The following FAM171B variants were observed in gnomAD, a reference collection of about 807,000 sequenced individuals.
FAM171B encodes family with sequence similarity 171 member B.
Under a neutral mutation model 75.6 loss-of-function variants are expected in FAM171B, and 19 were observed. The ratio of observed to expected loss-of-function variants is 0.25; its 90% confidence interval spans 0.18 to 0.37. FAM171B has a LOEUF of 0.37. Among genes scored for constraint, FAM171B ranks in the 10% least tolerant of loss-of-function variants. The pLI, the probability that FAM171B is intolerant of heterozygous loss-of-function variation, is 1.00. For synonymous variants in FAM171B, 367 were observed against 361.7 expected (o/e 1.01, Z -0.17); for missense variants, 848 against 982.4 (o/e 0.86, Z 1.83).
intron 1 of FAM171B, among the ~76,000 whole-genome samples, chr2:186,706,560 G>C (rs993722371): frequency 6.6e-6 from 1 of 152,154 alleles, no homozygotes; most frequent in African/African-American, 2.4e-5. Context: ...GCACATTCTG[G>C]TGTTCCAAAG....
At chr2:186,758,969 C>A (rs1049550743) in intron 6 of FAM171B, among the ~76,000 whole-genome samples, 1 of 151,916 alleles carries the variant, frequency 6.6e-6, no homozygotes, top group East Asian at 1.9e-4. Context: ...CCCTTCCCAG[C>A]CTCTGGTAAA....
Position 186,694,076 on chromosome 2 carries a change from G to C in FAM171B, c.-98G>C. 1.5e-6 allele frequency: 2 copies of C among 1,369,316 alleles called. No homozygotes were observed. Among genetic ancestry groups the C allele is most frequent in the Non-Finnish European group, 1.9e-6 (2 of 1,064,768 alleles). The allele number at this position is 1,369,316 out of a possible 1,614,324, so 84.8% of individuals were successfully genotyped here. On this transcript the variant is annotated 5_prime_UTR_variant, in exon 1 of 8. Transcript: ENST00000304698. ...GAGTGCTTGGCAGATTGCGCGAGGG[G>C]GAGCGAGCGAGCGGGCGCTGCCAGG...
intron 2 of FAM171B, among the ~76,000 whole-genome samples, chr2:186,741,963 C>T (rs1261244674): frequency 6.6e-6 from 1 of 151,900 alleles, no homozygotes; most frequent in African/African-American, 2.4e-5. Context: ...ATCTTGATAC[C>T]TTAATAAATG....
At chr2:186,719,725 T>G (rs1465003664) in intron 1 of FAM171B, among the ~76,000 whole-genome samples, 1 of 152,252 alleles carries the variant, frequency 6.6e-6, no homozygotes, top group African/African-American at 2.4e-5. Context: ...CTGTTTACAT[T>G]ATAAATTGGC....
chr2:186,747,254 T>C lies in FAM171B; in HGVS notation c.724+4T>C. On this transcript the variant is annotated splice_donor_region_variant and intron_variant, in intron 4 of 7. Transcript: ENST00000304698. The stretch of plus-strand genomic sequence containing the variant: ...GGAATTACTCTCAATAAACCAGGTA[T>C]TATCTACTTTTTGTATAATATAGTT... 1 of 1,562,814 alleles carries C rather than the reference T, an allele frequency of 6.4e-7. No homozygotes were observed. The highest frequency in any genetic ancestry group is 8.6e-7 in the Non-Finnish European group (1 of 1,159,270).
intron 1 of FAM171B, among the ~76,000 whole-genome samples, chr2:186,727,555 A>G (rs1488902865): frequency 4.6e-5 from 7 of 152,164 alleles, no homozygotes; most frequent in Non-Finnish European, 1.0e-4. Flanking sequence ...TAATGTATAA[A>G]TGAATTAGCA....
At chr2:186,733,407 TC>T (rs552809376) in intron 1 of FAM171B, among the ~76,000 whole-genome samples, 1 of 152,178 alleles carries the variant, frequency 6.6e-6, no homozygotes, top group Admixed American at 6.5e-5. Flanking sequence ...CAAATCAGTC[TC>T]CCCCAAGAAT....
intron 1 of FAM171B, among the ~76,000 whole-genome samples, chr2:186,739,548 A>G (rs1690256500): frequency 6.6e-6 from 1 of 152,144 alleles, no homozygotes; most frequent in South Asian, 2.1e-4. Flanking sequence ...ACATTAGCCC[A>G]GGCCTACACA....
In FAM171B at chr2:186,762,009, C is replaced by T. The variant is rs1480723671; in HGVS notation, c.1667C>T (p.Thr556Ile). ...DLFSTPEQLH[T>I]AKSATLPRKG... is the part of the protein sequence containing the mutation. ...TTCTCCACACCGGAACAATTACATACTGCTAAGTCAGCTACTTTGCCAAGA... is the reference window on the plus strand; with the variant it reads ...TTCTCCACACCGGAACAATTACATATTGCTAAGTCAGCTACTTTGCCAAGA... Residue 556 changes from threonine (T) to isoleucine (I), a missense_variant, in exon 8 of 8, where the codon ACT becomes ATT. By Grantham distance (89) the Thr-to-Ile change is moderately conservative. This residue lies in a region of FAM171B where 665 missense variants were observed against 729.0 expected (regional missense o/e 0.91). Transcript: ENST00000304698. This position sits in a 1 kb window ranked among gnomAD's most constrained non-coding sequence, Gnocchi z 4.0. 1.2e-6 allele frequency: 2 copies of T among 1,613,526 alleles called. No individual in the cohort carries two copies. Among genetic ancestry groups the T allele is most frequent in the Non-Finnish European group, 1.7e-6 (2 of 1,179,806 alleles).
chr2:186,756,113 A>C (rs1690527911), intron 6 of FAM171B, among the ~76,000 whole-genome samples: 1 of 152,244 alleles, frequency 6.6e-6, no homozygotes, highest in Non-Finnish European at 1.5e-5. Context: ...AGATAGCTTT[A>C]TGAATTACAA....
At chr2:186,750,140 A>G (rs1690428128) in intron 4 of FAM171B, among the ~76,000 whole-genome samples, 1 of 152,202 alleles carries the variant, frequency 6.6e-6, no homozygotes, top group Non-Finnish European at 1.5e-5. Flanking sequence ...CCAAAAGCAA[A>G]TAGATAAAAA....
intron 1 of FAM171B, among the ~76,000 whole-genome samples, chr2:186,714,843 A>C (rs572487111): frequency 6.6e-5 from 10 of 152,326 alleles, no homozygotes; most frequent in African/African-American, 2.4e-4. Context: ...CTGATTGACA[A>C]GTGTGGCAAA....
intron 3 of FAM171B, among the ~76,000 whole-genome samples, chr2:186,744,403 AT>A (rs1246091973): frequency 6.6e-6 from 1 of 152,186 alleles, no homozygotes; most frequent in African/African-American, 2.4e-5. Flanking sequence ...CAACCAGAAA[AT>A]TTACTATTAT....
Position 186,756,789 on chromosome 2 carries a change from T to C in FAM171B, c.1012+2740T>C, listed in dbSNP as rs3099732. On this transcript the variant is annotated intron_variant, in intron 6 of 7. Transcript: ENST00000304698. ...AAGCAGCAGGTTCTCAGTTTACCCA[T>C]ACCATCTGATTTGGCTTCAAATGGG... 5.6e-3 allele frequency among the ~76,000 whole-genome samples: 850 copies of C among 152,278 alleles called. 9 individuals carry two copies. Among genetic ancestry groups the C allele is most frequent in the East Asian group, 0.033 (169 of 5,174 alleles).
chr2:186,709,475 A>T (rs537757098), intron 1 of FAM171B, among the ~76,000 whole-genome samples: 16 of 152,162 alleles, frequency 1.1e-4, no homozygotes, highest in Non-Finnish European at 2.4e-4. Context: ...CATAAGCCCC[A>T]TTTCTATCAA....
At chr2:186,722,850 G>A (rs2682854) in intron 1 of FAM171B, among the ~76,000 whole-genome samples, 141,412 of 152,192 alleles carry the variant, frequency 0.93, 66,292 homozygotes, top group Middle Eastern at 1. Context: ...CCCCTGGCTT[G>A]GAGTTGTGCA....
chr2:186,742,853 T>C (rs968233438), intron 2 of FAM171B, among the ~76,000 whole-genome samples: 6 of 152,212 alleles, frequency 3.9e-5, no homozygotes, highest in African/African-American at 1.4e-4. Flanking sequence ...ATCTTTCAGG[T>C]AATCTGCATT....
At chr2:186,720,137 G>A (rs1003781726) in intron 1 of FAM171B, among the ~76,000 whole-genome samples, 57 of 152,196 alleles carry the variant, frequency 3.7e-4, no homozygotes, top group African/African-American at 1.3e-3. Flanking sequence ...TCCTGGGTTC[G>A]AGTGATTCTC....
intron 3 of FAM171B, among the ~76,000 whole-genome samples, chr2:186,745,965 A>G (rs369459751): frequency 3.3e-5 from 5 of 152,348 alleles, no homozygotes; most frequent in South Asian, 4.1e-4. Context: ...CACAAAAACT[A>G]TAAACTGAGA....
Sources: gnomAD v4.1 joint callset for allele counts (sites outside exome capture counted in the v4.1 genomes callset) on GRCh38, gnomAD v4.1.1 for gene constraint, gnomAD v4.1.1 regional missense constraint, Gnocchi (gnomAD v3.1) non-coding constraint, MANE v1.5 for transcripts, NCBI Gene and HGNC (gene_info 2026-07-23, HGNC 2026-07-21) for gene names.